The following TOP1 variants were observed in gnomAD, a reference collection of about 807,000 sequenced individuals.
The protein encoded by TOP1 is DNA topoisomerase 1.
TOP1 carries 10 observed loss-of-function variants against 111.1 expected under a neutral mutation model. The observed-to-expected ratio is 0.09, with a 90% CI of 0.06 to 0.15. The LOEUF (loss-of-function observed/expected upper bound fraction) is 0.15. Among genes scored for constraint, TOP1 ranks in the 10% least tolerant of loss-of-function variants. TOP1 has a pLI of 1.00. For synonymous variants in TOP1, 271 were observed against 302.9 expected, an observed-to-expected ratio of 0.89 and a Z score of 1.10; for missense variants, 474 against 926.7, an observed-to-expected ratio of 0.51 and a Z score of 6.34.
At position 41,038,237 on chromosome 20, in the gene TOP1, C is replaced by CT. The variant is rs201971786; in HGVS notation, c.58+8783dup. ...AATTTAAATTCGAGTTCTTGAGCTT[C>CT]TGCTCAATGGCTAGGTCTTTGAACA... On this transcript the variant is annotated intron_variant, in intron 2 of 20. Transcript: ENST00000361337. Among the ~76,000 whole-genome samples, 331 of 152,256 alleles carry CT rather than the reference C, an allele frequency of 2.2e-3. 1 individual carries two copies. The highest frequency in any genetic ancestry group is 7.5e-3 in the African/African-American group (313 of 41,558).
At position 41,109,527 on chromosome 20, in the gene TOP1, C is replaced by T. The variant is rs959842521; in HGVS notation, c.1309-3255C>T. On this transcript the variant is annotated intron_variant, in intron 13 of 20. Coordinates refer to ENST00000361337, the MANE Select transcript of TOP1 (RefSeq NM_003286.4). The surrounding 1 kb of genome is among the most constrained non-coding windows in gnomAD (Gnocchi z 4.1). ...ACTGCTAAAATAAATACAGAATTTA[C>T]AGACTAAAAGAAAATATTTGCAACA... Among the ~76,000 whole-genome samples, 5 of 152,030 alleles carry T rather than the reference C, an allele frequency of 3.3e-5. No homozygotes were observed. Among genetic ancestry groups the T allele is most frequent in the Non-Finnish European group, 5.9e-5 (4 of 67,990 alleles).
intron 2 of TOP1, among the ~76,000 whole-genome samples, chr20:41,035,008 C>A (rs2033166890): frequency 1.3e-5 from 2 of 151,898 alleles, no homozygotes; most frequent in African/African-American, 4.8e-5. Flanking sequence ...TCCTACCTCA[C>A]CCTCCCAAGT....
Position 41,081,081 on chromosome 20 carries a change from C to T in TOP1, c.432-84C>T, listed in dbSNP as rs1430926908. 3 of 1,245,164 alleles carry T rather than the reference C, an allele frequency of 2.4e-6. No individual in the cohort carries two copies. In the African/African-American group the frequency reaches 4.6e-5, roughly 19 times the overall value. 77.1% of individuals were successfully genotyped at this position (1,245,164 alleles called of 1,614,324 possible). On this transcript the variant is annotated intron_variant, in intron 6 of 20. Transcript: ENST00000361337. The stretch of plus-strand genomic sequence containing the variant: ...ACAGTGATTACTCTTGCCATGGAGG[C>T]ATCCAAGAGTTTGTAGGTCTCCTAT...
In TOP1 at chr20:41,123,361, G is replaced by T; in HGVS notation, c.*64G>T. Reference sequence around the variant, plus strand: ...GTGGTTTGGGAAAGATGGATAAACTGAGCCTCACTTGCCCTCGTGCCTGGG... The same window carrying T: ...GTGGTTTGGGAAAGATGGATAAACTTAGCCTCACTTGCCCTCGTGCCTGGG... On this transcript the variant is annotated 3_prime_UTR_variant, in exon 21 of 21. Coordinates refer to ENST00000361337, the MANE Select transcript of TOP1 (RefSeq NM_003286.4). The surrounding 1 kb of genome is among the most constrained non-coding windows in gnomAD (Gnocchi z 5.8). 1.6e-6 allele frequency: 2 copies of T among 1,248,462 alleles called. No individual in the cohort carries two copies. The highest frequency in any genetic ancestry group is 2.5e-5 in the South Asian group (2 of 80,638). 77.3% of individuals were successfully genotyped at this position (1,248,462 alleles called of 1,614,324 possible). A position where few individuals can be genotyped will look rare whatever the true frequency, so the allele number is the denominator to read the frequency against.
intron 3 of TOP1, among the ~76,000 whole-genome samples, chr20:41,062,596 C>T (rs1404920973): frequency 1.3e-5 from 2 of 152,002 alleles, no homozygotes; most frequent in Non-Finnish European, 2.9e-5. Context: ...TAATATCTAC[C>T]GTACAGCAAA....
At position 41,082,468 on chromosome 20, in the gene TOP1, A is replaced by T. The variant is rs1008660599; in HGVS notation, c.507+1228A>T. Among the ~76,000 whole-genome samples the T allele has an allele frequency of 1.3e-5, 2 of 152,238 alleles. No individual in the cohort carries two copies. Among genetic ancestry groups the T allele is most frequent in the Non-Finnish European group, 2.9e-5 (2 of 68,032 alleles). ...ACATAGCTACTAAGGTGGAAAAGCC[A>T]GCATTTGATCCCATGCAGTCTGACT... On this transcript the variant is annotated intron_variant, in intron 7 of 20. Coordinates refer to ENST00000361337, the MANE Select transcript of TOP1 (RefSeq NM_003286.4). This position sits in a 1 kb window ranked among gnomAD's most constrained non-coding sequence, Gnocchi z 4.1.
chr20:41,098,271 C>G lies in TOP1; in HGVS notation c.909C>G (p.Thr303=), dbSNP rs1418428060. Residue 303 remains threonine, a synonymous_variant, in exon 11 of 21, where the codon ACC becomes ACG. Transcript: ENST00000361337. This position sits in a 1 kb window ranked among gnomAD's most constrained non-coding sequence, Gnocchi z 5.7. ...CCAACCTAAGCAAATGTGATTTTAC[C>G]CAGATGAGCCAGTATTTCAAAGCCC... ...IITNLSKCDF[T]QMSQYFKAQT... 6.2e-7 allele frequency: 1 copy of G among 1,613,542 alleles called. No homozygotes were observed. The highest frequency in any genetic ancestry group is 1.7e-5 in the Admixed American group (1 of 59,966).
Position 41,123,716 on chromosome 20 carries a change from AT to A in TOP1, c.*421del, listed in dbSNP as rs2034454173. On this transcript the variant is annotated 3_prime_UTR_variant, in exon 21 of 21. Coordinates refer to ENST00000361337, the MANE Select transcript of TOP1 (RefSeq NM_003286.4). The surrounding 1 kb of genome is among the most constrained non-coding windows in gnomAD (Gnocchi z 5.8). ...AACTTCTATATTTTAATAGAAATAA[AT>A]TCCTAAACTCCCTTCCCTCTCTCCC... 4.3e-6 allele frequency: 1 copy of A among 232,732 alleles called. No individual in the cohort carries two copies. Among genetic ancestry groups the A allele is most frequent in the Admixed American group, 5.6e-5 (1 of 17,760 alleles). 14.4% of individuals were successfully genotyped at this position (232,732 alleles called of 1,614,324 possible).
rs766325699 is a variant in TOP1, at chr20:41,092,623, A to G, written c.730+36A>G. On this transcript the variant is annotated intron_variant, in intron 9 of 20. Coordinates refer to ENST00000361337, the MANE Select transcript of TOP1 (RefSeq NM_003286.4). This position sits in a 1 kb window ranked among gnomAD's most constrained non-coding sequence, Gnocchi z 4.3. Reference sequence around the variant, plus strand: ...TCAAGGTTCTTGATTCTTGGCCAGGAAAAGAAATCTGCTTCTATTTAGGGA... The same window carrying G: ...TCAAGGTTCTTGATTCTTGGCCAGGGAAAGAAATCTGCTTCTATTTAGGGA... 2.0e-6 allele frequency: 2 copies of G among 1,023,244 alleles called. No individual in the cohort carries two copies. The highest frequency in any genetic ancestry group is 1.5e-5 in the South Asian group (1 of 68,720). The allele number at this position is 1,023,244 out of a possible 1,614,324, so 63.4% of individuals were successfully genotyped here.
chr20:41,117,747 G>C (rs1025882286), intron 17 of TOP1, among the ~76,000 whole-genome samples: 2 of 152,054 alleles, frequency 1.3e-5, no homozygotes, highest in African/African-American at 4.8e-5. Context: ...ATTGGGTGGA[G>C]AGGTGGGGAG....
At position 41,034,587 on chromosome 20, in the gene TOP1, G is replaced by A. The variant is rs1339228044; in HGVS notation, c.58+5132G>A. ...GTTAGATATTGATGGTATTTTGGTG[G>A]CGTTATGAGAAATGGCTGATAGTTT... is the stretch of plus-strand genomic sequence containing the variant. On this transcript the variant is annotated intron_variant, in intron 2 of 20. Coordinates refer to ENST00000361337, the MANE Select transcript of TOP1 (RefSeq NM_003286.4). The surrounding 1 kb of genome is among the most constrained non-coding windows in gnomAD (Gnocchi z 4.0). Among the ~76,000 whole-genome samples, 1 of 152,160 alleles carries A rather than the reference G, an allele frequency of 6.6e-6. No homozygotes were observed. Among genetic ancestry groups the A allele is most frequent in the Non-Finnish European group, 1.5e-5 (1 of 68,024 alleles).
intron 3 of TOP1, chr20:41,072,645 T>C: frequency 1.0e-6 from 1 of 985,452 alleles, no homozygotes; most frequent in Non-Finnish European, 1.2e-6. Context: ...CCAGCACTCC[T>C]GCCGGTTTGG....
At chr20:41,119,507 G>T (rs747543517) in intron 18 of TOP1, among the ~76,000 whole-genome samples, 7 of 152,160 alleles carry the variant, frequency 4.6e-5, no homozygotes, top group Non-Finnish European at 1.0e-4. Flanking sequence ...TGAAATTATA[G>T]ATTTTTTCTC....
At chr20:41,057,469 C>T (rs1274830145) in intron 2 of TOP1, among the ~76,000 whole-genome samples, 2 of 151,904 alleles carry the variant, frequency 1.3e-5, no homozygotes, top group African/African-American at 4.8e-5. Context: ...TACTTAATTT[C>T]CTTTTTAAGT....
chr20:41,036,834 T>TTTC (rs531759655), intron 2 of TOP1, among the ~76,000 whole-genome samples: 6,767 of 145,618 alleles, frequency 0.046, 264 homozygotes, highest in South Asian at 0.1. Flanking sequence ...CTACTTTTCT[T>TTTC]TTTTTTTTTT....
At chr20:41,065,130 C>G (rs2033591720) in intron 3 of TOP1, among the ~76,000 whole-genome samples, 1 of 152,204 alleles carries the variant, frequency 6.6e-6, no homozygotes, top group African/African-American at 2.4e-5. Flanking sequence ...GTCTCAAACT[C>G]CTGACCTCAA....
chr20:41,087,951 C>CG (rs55859207), intron 8 of TOP1, among the ~76,000 whole-genome samples: 3 of 151,930 alleles, frequency 2.0e-5, no homozygotes, highest in Admixed American at 6.6e-5. Context: ...TTTTAAATTG[C>CG]GGGGGGCGGA....
intron 13 of TOP1, among the ~76,000 whole-genome samples, chr20:41,103,735 C>T (rs546274898): frequency 2.6e-5 from 4 of 152,260 alleles, no homozygotes; most frequent in South Asian, 2.1e-4. Context: ...TCCCTCAGAA[C>T]GACCAAGCTC....
At chr20:41,084,074 T>A (rs2033818914) in intron 7 of TOP1, among the ~76,000 whole-genome samples, 1 of 152,206 alleles carries the variant, frequency 6.6e-6, no homozygotes, top group African/African-American at 2.4e-5. Flanking sequence ...AAGCCCCGTC[T>A]AGCCGTTATT....
Sources: gnomAD v4.1 joint callset for allele counts (sites outside exome capture counted in the v4.1 genomes callset) on GRCh38, gnomAD v4.1.1 for gene constraint, Gnocchi (gnomAD v3.1) non-coding constraint, MANE v1.5 for transcripts, NCBI Gene and HGNC (gene_info 2026-07-23, HGNC 2026-07-21) for gene names.